RELN: variants seen among roughly 807,000 people sequenced by gnomAD.
RELN encodes the protein reelin.
A neutral mutation model predicts 427.6 loss-of-function variants in RELN; 108 were observed. The observed-to-expected ratio is 0.25, with a 90% CI of 0.22 to 0.30. The LOEUF (loss-of-function observed/expected upper bound fraction) is 0.30. RELN is among the 10% of genes least tolerant of loss of function. The probability of loss-of-function intolerance (pLI) is 1.00; values close to 1 mark genes in which losing one functional copy is unlikely to be tolerated. For synonymous variants in RELN, 1,524 were observed against 1,513.4 expected, an observed-to-expected ratio of 1.01 and a Z score of -0.16; for missense variants, 3,715 against 4,302.8, an observed-to-expected ratio of 0.86 and a Z score of 3.82.
chr7:103,886,972 A>G (rs1291122680), intron 2 of RELN, among the ~76,000 whole-genome samples: 1 of 152,228 alleles, frequency 6.6e-6, no homozygotes, highest in African/African-American at 2.4e-5. Context: ...AAAAGATAAC[A>G]TAAAAACCAG....
intron 42 of RELN, among the ~76,000 whole-genome samples, chr7:103,543,889 G>A (rs1167102274): frequency 6.6e-6 from 1 of 152,146 alleles, no homozygotes; most frequent in African/African-American, 2.4e-5. Context: ...AGCCCGAAAG[G>A]AAACCCTGTG....
intron 40 of RELN, among the ~76,000 whole-genome samples, chr7:103,552,113 C>A (rs1310466548): frequency 6.6e-6 from 1 of 152,186 alleles, no homozygotes; most frequent in Non-Finnish European, 1.5e-5. Context: ...CATCCTTCTC[C>A]TCCCCACCCT....
intron 3 of RELN, among the ~76,000 whole-genome samples, chr7:103,828,648 C>T (rs1462017368): frequency 6.6e-6 from 1 of 151,852 alleles, no homozygotes; most frequent in East Asian, 1.9e-4. Context: ...CACACATTCC[C>T]CACATGAAAT....
In RELN at chr7:103,734,710, C is replaced by T. The variant is rs117286095; in HGVS notation, c.657-6503G>A. 1.1e-4 allele frequency among the ~76,000 whole-genome samples: 17 copies of T among 152,230 alleles called. No individual in the cohort carries two copies. In the East Asian group the frequency reaches 3.3e-3, roughly 29 times the overall value. On this transcript the variant is annotated intron_variant, in intron 6 of 64. Coordinates refer to ENST00000428762, the MANE Select transcript of RELN (RefSeq NM_005045.4). The stretch of plus-strand genomic sequence containing the variant: ...TGAAACAGGACTAGAATTCAGGTTG[C>T]CTGATTTCTTATCCAATATTGTTTG...
At chr7:103,748,555 C>T (rs1011011802) in intron 6 of RELN, among the ~76,000 whole-genome samples, 2 of 152,034 alleles carry the variant, frequency 1.3e-5, no homozygotes, top group Admixed American at 6.6e-5. Context: ...CTAAACCATT[C>T]GTTACTTGAG....
chr7:103,713,348 C>T (rs532522492), intron 8 of RELN, among the ~76,000 whole-genome samples: 1 of 152,200 alleles, frequency 6.6e-6, no homozygotes, highest in Non-Finnish European at 1.5e-5. Context: ...ACTCAGAACT[C>T]CCTGCTACAA....
chr7:103,835,775 T>C (rs1301360565), intron 2 of RELN, among the ~76,000 whole-genome samples: 1 of 152,182 alleles, frequency 6.6e-6, no homozygotes. Flanking sequence ...ATGCCTTCTA[T>C]ACCTTAAAGT....
At position 103,808,175 on chromosome 7, in the gene RELN, G is replaced by A. The variant is rs181049661; in HGVS notation, c.473+25362C>T. On this transcript the variant is annotated intron_variant, in intron 3 of 64. Coordinates refer to ENST00000428762, the MANE Select transcript of RELN (RefSeq NM_005045.4). Reference sequence around the variant, plus strand: ...TCTCCAGGTAATCAGCCAAGTCAGAGCAACCAACAATAAAGATAACCATCA... The same window carrying A: ...TCTCCAGGTAATCAGCCAAGTCAGAACAACCAACAATAAAGATAACCATCA... Among the ~76,000 whole-genome samples, 93 of 150,744 alleles carry A rather than the reference G, an allele frequency of 6.2e-4. 3 individuals are homozygous for A. In the East Asian group the frequency reaches 0.011, roughly 18 times the overall value.
intron 6 of RELN, among the ~76,000 whole-genome samples, chr7:103,741,367 C>T (rs1367834060): frequency 6.6e-6 from 1 of 151,694 alleles, no homozygotes; most frequent in Non-Finnish European, 1.5e-5. Context: ...ATATATATTC[C>T]ATAGATTTTA....
intron 4 of RELN, among the ~76,000 whole-genome samples, chr7:103,768,580 G>GAC (rs1252352951): frequency 1.3e-5 from 2 of 152,108 alleles, no homozygotes; most frequent in Non-Finnish European, 2.9e-5. Flanking sequence ...TTTCAGTAAG[G>GAC]ACAGTGATTT....
chr7:103,836,239 C>T (rs571810621), intron 2 of RELN, among the ~76,000 whole-genome samples: 1 of 152,260 alleles, frequency 6.6e-6, no homozygotes, highest in Non-Finnish European at 1.5e-5. Context: ...GGTTTACAGG[C>T]GTCAGCCACC....
intron 2 of RELN, among the ~76,000 whole-genome samples, chr7:103,873,999 T>C (rs1794415572): frequency 6.9e-6 from 1 of 144,336 alleles, no homozygotes. Flanking sequence ...ATCAAAAAGC[T>C]TATCCACCAT....
chr7:103,550,020 T>C (rs556674932), intron 41 of RELN, among the ~76,000 whole-genome samples: 1 of 152,322 alleles, frequency 6.6e-6, no homozygotes, highest in East Asian at 1.9e-4. Context: ...ACTTTTTGCT[T>C]AGTAATGCTT....
chr7:103,621,239 T>G (rs1317251794), intron 20 of RELN, among the ~76,000 whole-genome samples: 3 of 152,254 alleles, frequency 2.0e-5, no homozygotes, highest in African/African-American at 7.2e-5. Flanking sequence ...GCATTTAATA[T>G]ACTTTTGGCT....
At chr7:103,849,234 C>G (rs1199091733) in intron 2 of RELN, among the ~76,000 whole-genome samples, 1 of 152,208 alleles carries the variant, frequency 6.6e-6, no homozygotes, top group Non-Finnish European at 1.5e-5. Flanking sequence ...CCTACTCAAT[C>G]AATCAACAAG....
intron 2 of RELN, among the ~76,000 whole-genome samples, chr7:103,910,898 C>G (rs1348206944): frequency 7.3e-6 from 1 of 137,454 alleles, no homozygotes; most frequent in Non-Finnish European, 1.5e-5. Context: ...ACCATAAAAA[C>G]CCTAGAAGAA....
At chr7:103,682,620 T>G (rs1221165512) in intron 10 of RELN, among the ~76,000 whole-genome samples, 1 of 152,236 alleles carries the variant, frequency 6.6e-6, no homozygotes, top group Non-Finnish European at 1.5e-5. Context: ...TCTGTGGTTA[T>G]CGGCTAAATA....
chr7:103,702,698 C>T (rs1834119659), intron 8 of RELN, among the ~76,000 whole-genome samples: 1 of 152,286 alleles, frequency 6.6e-6, no homozygotes, highest in African/African-American at 2.4e-5. Flanking sequence ...TTTCTTATAT[C>T]TAAAACATTA....
chr7:103,490,619 G>T (rs1206060498), intron 59 of RELN, 49 bp downstream of exon 59: 2 of 1,593,842 alleles, frequency 1.3e-6, no homozygotes, highest in African/African-American at 2.7e-5. Flanking sequence ...CATGAACTCT[G>T]TAGAGAGGCC....
Sources: gnomAD v4.1 joint callset for allele counts (sites outside exome capture counted in the v4.1 genomes callset) on GRCh38, gnomAD v4.1.1 for gene constraint, MANE v1.5 for transcripts, NCBI Gene and HGNC (gene_info 2026-07-23, HGNC 2026-07-21) for gene names.